RNF180: variants seen among roughly 807,000 people sequenced by gnomAD.
The protein encoded by RNF180 is E3 ubiquitin-protein ligase RNF180.
In RNF180, 38 loss-of-function variants were observed where a neutral mutation model predicts 59.2. The observed-to-expected ratio is 0.64, with a 90% confidence interval of 0.50 to 0.84. The LOEUF is 0.84. Among genes scored for constraint, RNF180 ranks in the 40% least tolerant of loss-of-function variants. The pLI is 0.00. For missense variants in RNF180, 705 were observed against 700.9 expected, an observed-to-expected ratio of 1.01 and a Z score of -0.07; for synonymous variants, 262 against 240.3, an observed-to-expected ratio of 1.09 and a Z score of -0.84.
intron 7 of RNF180, among the ~76,000 whole-genome samples, chr5:64,336,111 G>A (rs964341338): frequency 6.6e-6 from 1 of 151,962 alleles, no homozygotes; most frequent in African/African-American, 2.4e-5. Context: ...ATACTCATTT[G>A]TTTTCTTTTT....
At chr5:64,218,111 C>T (rs1312111846) in intron 5 of RNF180, among the ~76,000 whole-genome samples, 3 of 151,860 alleles carry the variant, frequency 2.0e-5, no homozygotes, top group African/African-American at 7.3e-5. Context: ...GTAGAGCCAA[C>T]CTGTTTAATT....
intron 7 of RNF180, among the ~76,000 whole-genome samples, chr5:64,360,804 G>A (rs1746225409): frequency 6.6e-6 from 1 of 151,620 alleles, no homozygotes; most frequent in Admixed American, 6.6e-5. Context: ...CACAGCGGTA[G>A]CCAGAGTAGC....
chr5:64,220,373 T>C (rs1752845828), intron 5 of RNF180, among the ~76,000 whole-genome samples: 1 of 152,030 alleles, frequency 6.6e-6, no homozygotes, highest in Non-Finnish European at 1.5e-5. Context: ...CATTTAATGC[T>C]ATAAATTTCC....
At chr5:64,232,616 TGAA>T in intron 5 of RNF180, among the ~76,000 whole-genome samples, 1 of 152,336 alleles carries the variant, frequency 6.6e-6, no homozygotes, top group Middle Eastern at 3.4e-3. Context: ...AGATTGATAT[TGAA>T]GAATGAAAAT....
At chr5:64,235,404 T>C (rs1013115943) in intron 5 of RNF180, among the ~76,000 whole-genome samples, 3 of 152,166 alleles carry the variant, frequency 2.0e-5, no homozygotes, top group Admixed American at 6.5e-5. Flanking sequence ...GATCTTTTTT[T>C]CTACTAAATA....
chr5:64,328,293 A>G (rs1394603765), intron 6 of RNF180, among the ~76,000 whole-genome samples: 3 of 152,218 alleles, frequency 2.0e-5, no homozygotes, highest in African/African-American at 7.2e-5. Flanking sequence ...ATTACTGTAA[A>G]TGAATATGTT....
At chr5:64,249,385 A>T (rs1208192996) in intron 5 of RNF180, among the ~76,000 whole-genome samples, 1 of 152,220 alleles carries the variant, frequency 6.6e-6, no homozygotes, top group Non-Finnish European at 1.5e-5. Context: ...CCGAAACCTT[A>T]CAGGCCAGGA....
intron 5 of RNF180, among the ~76,000 whole-genome samples, chr5:64,245,579 T>C (rs578136677): frequency 2.0e-5 from 3 of 152,328 alleles, no homozygotes; most frequent in Admixed American, 6.5e-5. Flanking sequence ...ATCCTAAATA[T>C]ATATGCACCC....
chr5:64,177,492 CTA>C (rs1441886240), intron 1 of RNF180, among the ~76,000 whole-genome samples: 4 of 137,810 alleles, frequency 2.9e-5, no homozygotes, highest in Non-Finnish European at 6.2e-5. Flanking sequence ...AACTTGTTCT[CTA>C]TCTAGATTTT....
At chr5:64,179,027 T>G (rs1004332857) in intron 1 of RNF180, among the ~76,000 whole-genome samples, 1 of 152,164 alleles carries the variant, frequency 6.6e-6, no homozygotes, top group African/African-American at 2.4e-5. Flanking sequence ...GACCCAGGTG[T>G]TGTTGCTGCT....
At chr5:64,216,341 C>T (rs550867404) in intron 4 of RNF180, among the ~76,000 whole-genome samples, 1 of 152,210 alleles carries the variant, frequency 6.6e-6, no homozygotes, top group South Asian at 2.1e-4. Context: ...AAATTAATGG[C>T]ATAGCTGTGC....
intron 5 of RNF180, among the ~76,000 whole-genome samples, chr5:64,256,131 T>G (rs937964215): frequency 1.6e-4 from 25 of 152,240 alleles, no homozygotes; most frequent in Non-Finnish European, 2.5e-4. Flanking sequence ...TTGCAAAAAT[T>G]TTCTCCCATT....
intron 5 of RNF180, among the ~76,000 whole-genome samples, chr5:64,291,159 T>TC (rs927806893): frequency 1.3e-5 from 2 of 152,152 alleles, no homozygotes; most frequent in African/African-American, 4.8e-5. Context: ...AATATTGGCC[T>TC]CCAATATTTT....
At chr5:64,292,729 C>G (rs1742666398) in intron 5 of RNF180, among the ~76,000 whole-genome samples, 1 of 152,222 alleles carries the variant, frequency 6.6e-6, no homozygotes, top group South Asian at 2.1e-4. Context: ...GCTGGAAAGG[C>G]TGAGTCAACT....
At chr5:64,357,202 G>A (rs999141787) in intron 7 of RNF180, among the ~76,000 whole-genome samples, 2 of 151,442 alleles carry the variant, frequency 1.3e-5, no homozygotes, top group Non-Finnish European at 3.0e-5. Flanking sequence ...GGAGCCTAAG[G>A]GTATAGGAGA....
intron 5 of RNF180, among the ~76,000 whole-genome samples, chr5:64,279,251 A>T (rs979792072): frequency 1.3e-5 from 2 of 152,220 alleles, no homozygotes; most frequent in African/African-American, 4.8e-5. Context: ...ATTGAGTACA[A>T]TGAGAACTAA....
intron 7 of RNF180, among the ~76,000 whole-genome samples, chr5:64,333,625 A>C (rs1745006160): frequency 1.3e-5 from 2 of 152,300 alleles, no homozygotes; most frequent in Admixed American, 1.3e-4. Flanking sequence ...TCTATGCTAT[A>C]CCCAAAGTTC....
intron 5 of RNF180, among the ~76,000 whole-genome samples, chr5:64,303,380 A>G (rs552303632): frequency 2.0e-5 from 3 of 151,838 alleles, no homozygotes; most frequent in Admixed American, 2.0e-4. Context: ...TTAGTGAGCA[A>G]GGCATGTGGA....
chr5:64,177,564 T>TATATATA lies in RNF180; in HGVS notation c.-1+11613_-1+11614insATATAAT, dbSNP rs1183807512. Reference sequence around the variant, plus strand: ...ATATATATATATATATATATATATATATGTATTTATTTCTTTCCTGAGTCA... The same window carrying TATATATA: ...ATATATATATATATATATATATATATATATATAATGTATTTATTTCTTTCCTGAGTCA... On this transcript the variant is annotated intron_variant, in intron 1 of 7. Coordinates refer to ENST00000389100, the MANE Select transcript of RNF180 (RefSeq NM_001113561.2). Among the ~76,000 whole-genome samples the TATATATA allele has an allele frequency of 3.7e-5, 5 of 134,538 alleles. No homozygotes were observed. The East Asian group carries it at 8.6e-4, about 23-fold the overall frequency. The allele number at this position is 134,538 out of a possible 152,430, so 88.3% of individuals were successfully genotyped here.
Sources: gnomAD v4.1 joint callset for allele counts (sites outside exome capture counted in the v4.1 genomes callset) on GRCh38, gnomAD v4.1.1 for gene constraint, MANE v1.5 for transcripts, NCBI Gene and HGNC (gene_info 2026-07-23, HGNC 2026-07-21) for gene names.